Variants in CNTN5 observed in about 807,000 individuals in gnomAD.
The protein encoded by CNTN5 is contactin-5.
A neutral mutation model predicts 129.1 loss-of-function variants in CNTN5; 77 were observed. That is an observed-to-expected ratio of 0.60 (90% CI 0.50 to 0.72). The LOEUF (loss-of-function observed/expected upper bound fraction) is 0.72, where lower values mean the gene tolerates loss of function less well. Among genes scored for constraint, CNTN5 ranks in the 30% least tolerant of loss-of-function variants. CNTN5 has a pLI of 0.00. For synonymous variants in CNTN5, 509 were observed against 465.6 expected (o/e 1.09, Z -1.20); for missense variants, 1,478 against 1,328.8 (o/e 1.11, Z -1.75).
chr11:99,273,831 G>A (rs1863295431), intron 1 of CNTN5, among the ~76,000 whole-genome samples: 1 of 150,718 alleles, frequency 6.6e-6, no homozygotes, highest in African/African-American at 2.4e-5. Flanking sequence ...CATCTTCAAA[G>A]CCTACAAGAT....
chr11:99,259,596 G>T (rs994801027), intron 1 of CNTN5, among the ~76,000 whole-genome samples: 2 of 151,744 alleles, frequency 1.3e-5, no homozygotes, highest in Non-Finnish European at 2.9e-5. Context: ...CTGAACTACA[G>T]TAATTTTATT....
chr11:99,460,401 T>C (rs916090266), intron 2 of CNTN5, among the ~76,000 whole-genome samples: 1 of 152,018 alleles, frequency 6.6e-6, no homozygotes, highest in South Asian at 2.1e-4. Flanking sequence ...CTTTGTTTTA[T>C]GTGTCCAAAC....
intron 1 of CNTN5, among the ~76,000 whole-genome samples, chr11:99,102,147 G>A (rs1866764654): frequency 6.6e-6 from 1 of 152,118 alleles, no homozygotes; most frequent in African/African-American, 2.4e-5. Flanking sequence ...TTTTGCCATG[G>A]CTAGAGTGGC....
chr11:100,242,161 A>G (rs764373292), intron 16 of CNTN5, among the ~76,000 whole-genome samples: 1 of 152,078 alleles, frequency 6.6e-6, no homozygotes, highest in Non-Finnish European at 1.5e-5. Context: ...TTGCTTTGCT[A>G]TGCTCCAATT....
intron 8 of CNTN5, among the ~76,000 whole-genome samples, chr11:99,978,315 G>T (rs1380221996): frequency 2.6e-5 from 4 of 152,080 alleles, no homozygotes; most frequent in African/African-American, 7.2e-5. Context: ...GTAAACTAAG[G>T]TTCATTTATT....
intron 2 of CNTN5, among the ~76,000 whole-genome samples, chr11:99,413,674 C>T (rs903359453): frequency 6.6e-6 from 1 of 151,990 alleles, no homozygotes; most frequent in African/African-American, 2.4e-5. Flanking sequence ...AAAGATTTCA[C>T]CAGAAATAAC....
chr11:99,625,556 CTTAA>C (rs1220452654), intron 3 of CNTN5, among the ~76,000 whole-genome samples: 7 of 152,184 alleles, frequency 4.6e-5, no homozygotes, highest in South Asian at 2.1e-4. Flanking sequence ...CAAAGGGTTT[CTTAA>C]TTAATGACCA....
intron 2 of CNTN5, among the ~76,000 whole-genome samples, chr11:99,332,756 T>G (rs1591534360): frequency 6.6e-6 from 1 of 152,028 alleles, no homozygotes. Context: ...AGAAAACCCC[T>G]GCAGCTAATG....
At chr11:99,787,573 C>G (rs562950187) in intron 3 of CNTN5, among the ~76,000 whole-genome samples, 1 of 150,588 alleles carries the variant, frequency 6.6e-6, no homozygotes, top group East Asian at 1.9e-4. Flanking sequence ...ACGAAGCCAA[C>G]TCTTCTAATC....
chr11:100,143,623 G>A (rs536969939), intron 13 of CNTN5, among the ~76,000 whole-genome samples: 2 of 152,242 alleles, frequency 1.3e-5, no homozygotes, highest in African/African-American at 4.8e-5. Flanking sequence ...GGAGGGCAAT[G>A]TTTATGAACT....
At chr11:99,115,901 A>G (rs1430442531) in intron 1 of CNTN5, among the ~76,000 whole-genome samples, 3 of 152,182 alleles carry the variant, frequency 2.0e-5, no homozygotes, top group Admixed American at 6.6e-5. Flanking sequence ...AATTATTGAA[A>G]ATTAAGGGAA....
intron 9 of CNTN5, among the ~76,000 whole-genome samples, chr11:100,003,175 A>G (rs1455160178): frequency 2.0e-5 from 3 of 152,194 alleles, no homozygotes; most frequent in Non-Finnish European, 4.4e-5. Flanking sequence ...TTAAGTAGAA[A>G]CAACATCATA....
chr11:100,297,484 G>T (rs902949447), intron 18 of CNTN5, 141 bp from the exon 19 acceptor site: 6 of 673,534 alleles, frequency 8.9e-6, no homozygotes, highest in African/African-American at 7.2e-5. Flanking sequence ...TGAAAGCAGG[G>T]TGTTTCTGTC....
chr11:99,042,693 C>CT (rs1864051288), intron 1 of CNTN5, among the ~76,000 whole-genome samples: 1 of 152,060 alleles, frequency 6.6e-6, no homozygotes. Context: ...TCTTTAAACT[C>CT]TAAGAATTCA....
At chr11:99,916,747 A>T (rs1949800056) in intron 7 of CNTN5, among the ~76,000 whole-genome samples, 1 of 151,946 alleles carries the variant, frequency 6.6e-6, no homozygotes, top group Non-Finnish European at 1.5e-5. Flanking sequence ...TTGCAAGCTT[A>T]CACCTAATTA....
At chr11:99,203,824 C>T (rs1196103507) in intron 1 of CNTN5, among the ~76,000 whole-genome samples, 2 of 152,106 alleles carry the variant, frequency 1.3e-5, no homozygotes, top group Non-Finnish European at 2.9e-5. Context: ...TCTTGAACTC[C>T]TGACCTCAGG....
At chr11:99,812,229 T>G (rs2135522691) in intron 3 of CNTN5, among the ~76,000 whole-genome samples, 1 of 152,252 alleles carries the variant, frequency 6.6e-6, no homozygotes, top group South Asian at 2.1e-4. Context: ...TATCCAAAAC[T>G]TTTCTTTTAG....
chr11:100,276,563 A>C (rs1950518409), intron 18 of CNTN5, among the ~76,000 whole-genome samples: 1 of 147,996 alleles, frequency 6.8e-6, no homozygotes. Context: ...GGAAAGAAAC[A>C]CTCTTGATAG....
chr11:99,923,765 A>ATCTATCTATCTATCTG (rs1565681828), intron 7 of CNTN5, among the ~76,000 whole-genome samples: 42 of 144,692 alleles, frequency 2.9e-4, no homozygotes, highest in African/African-American at 1.1e-3. Context: ...CTGTCTATCT[A>ATCTATCTATCTATCTG]TCTATCTATC....
Sources: allele counts gnomAD v4.1 joint callset (sites outside exome capture counted in the v4.1 genomes callset), GRCh38; gene constraint gnomAD v4.1.1; transcripts MANE v1.5; gene names NCBI Gene and HGNC (gene_info 2026-07-23, HGNC 2026-07-21).